Variants in CFAP61 observed in about 807,000 individuals in gnomAD.
The protein encoded by CFAP61 is cilia and flagella associated protein 61, also known as cilia- and flagella-associated protein 61.
CFAP61 carries 107 observed loss-of-function variants against 135.6 expected under a neutral mutation model. That is an observed-to-expected ratio of 0.79 (90% confidence interval 0.67 to 0.93). The LOEUF is 0.93. Among genes scored for constraint, CFAP61 ranks in the 40% least tolerant of loss-of-function variants. CFAP61 has a pLI of 0.00. For synonymous variants in CFAP61, 575 were observed against 578.5 expected (o/e 0.99, Z 0.09); for missense variants, 1,507 against 1,556.2 (o/e 0.97, Z 0.53).
At chr20:20,187,672 G>C (rs912526149) in intron 13 of CFAP61, among the ~76,000 whole-genome samples, 3 of 152,034 alleles carry the variant, frequency 2.0e-5, no homozygotes, top group African/African-American at 7.2e-5. Flanking sequence ...TAAATTAAAT[G>C]TATTTAAAGT....
intron 7 of CFAP61, among the ~76,000 whole-genome samples, chr20:20,091,934 G>A (rs962072677): frequency 1.3e-5 from 2 of 152,140 alleles, no homozygotes; most frequent in Non-Finnish European, 2.9e-5. Context: ...CGCCCGCCTT[G>A]GCCTCCCAAA....
At chr20:20,272,893 CATATAAA>C (rs1326740370) in intron 21 of CFAP61, among the ~76,000 whole-genome samples, 1 of 152,158 alleles carries the variant, frequency 6.6e-6, no homozygotes, top group African/African-American at 2.4e-5. Flanking sequence ...CTGCTACTTC[CATATAAA>C]ATATAAGAAA....
At chr20:20,322,762 G>C in intron 25 of CFAP61, 1 of 985,282 alleles carries the variant, frequency 1.0e-6, no homozygotes, top group Non-Finnish European at 1.2e-6. Context: ...GAGGGTCCTC[G>C]TGTTGCCTAG....
intron 9 of CFAP61, among the ~76,000 whole-genome samples, chr20:20,145,032 G>C (rs1363822248): frequency 6.6e-6 from 1 of 152,182 alleles, no homozygotes; most frequent in Non-Finnish European, 1.5e-5. Flanking sequence ...AAATGTTAAA[G>C]AAAGCCCTTT....
chr20:20,249,813 C>A (rs1050543081), intron 19 of CFAP61, among the ~76,000 whole-genome samples: 2 of 152,162 alleles, frequency 1.3e-5, no homozygotes, highest in Non-Finnish European at 2.9e-5. Context: ...AAAATGAATC[C>A]CTGTGCACTA....
At chr20:20,262,498 A>G (rs2052324509) in intron 20 of CFAP61, among the ~76,000 whole-genome samples, 1 of 152,184 alleles carries the variant, frequency 6.6e-6, no homozygotes, top group Admixed American at 6.5e-5. Flanking sequence ...ACATTTGAAT[A>G]CCCAGCATAT....
At chr20:20,330,528 G>A (rs2057944455) in intron 25 of CFAP61, among the ~76,000 whole-genome samples, 1 of 152,026 alleles carries the variant, frequency 6.6e-6, no homozygotes, top group African/African-American at 2.4e-5. Context: ...GTAGAGACAG[G>A]GTTTCACCAT....
At chr20:20,201,911 T>C (rs2056640117) in intron 17 of CFAP61, among the ~76,000 whole-genome samples, 1 of 152,186 alleles carries the variant, frequency 6.6e-6, no homozygotes, top group African/African-American at 2.4e-5. Flanking sequence ...AGTCCAGAGC[T>C]GCTGCGTGGA....
chr20:20,305,875 G>A (rs1348050100), intron 25 of CFAP61, among the ~76,000 whole-genome samples: 3 of 152,072 alleles, frequency 2.0e-5, no homozygotes, highest in Non-Finnish European at 4.4e-5. Context: ...ACTCCAACAG[G>A]CAGATCCTTA....
chr20:20,296,330 T>TCCTTCCTTGCTTCCCTCCTTCCTTC (rs1569260741), intron 24 of CFAP61, among the ~76,000 whole-genome samples: 3 of 39,598 alleles, frequency 7.6e-5, no homozygotes, highest in Non-Finnish European at 1.5e-4. Flanking sequence ...TTCCTTCCCT[T>TCCTTCCTTGCTTCCCTCCTTCCTTC]CCTTCCTTCC....
intron 8 of CFAP61, among the ~76,000 whole-genome samples, chr20:20,141,576 C>A (rs1031697001): frequency 1.3e-5 from 2 of 152,204 alleles, no homozygotes; most frequent in Non-Finnish European, 2.9e-5. Flanking sequence ...CTCATTGTGC[C>A]TTCAACATTA....
intron 25 of CFAP61, among the ~76,000 whole-genome samples, chr20:20,340,164 A>G (rs929186292): frequency 2.0e-5 from 3 of 152,218 alleles, no homozygotes; most frequent in African/African-American, 7.2e-5. Context: ...TCAAGTCGCA[A>G]ATCCATTCCC....
In CFAP61 at chr20:20,121,796, T is replaced by C. The variant is rs576580805; in HGVS notation, c.860-21061T>C. Among the ~76,000 whole-genome samples, 5 of 152,312 alleles carry C rather than the reference T, an allele frequency of 3.3e-5. No individual in the cohort carries two copies. The East Asian group carries it at 9.7e-4, about 30-fold the overall frequency. ...GGTACAAGCCACTGCACCTAGCTGA[T>C]AAGTACAGGCTTTCAACTGCCATTT... On this transcript the variant is annotated intron_variant, in intron 8 of 26. Transcript: ENST00000245957.
chr20:20,068,669 G>A (rs1023415365), intron 2 of CFAP61, among the ~76,000 whole-genome samples: 5 of 152,170 alleles, frequency 3.3e-5, no homozygotes, highest in African/African-American at 1.2e-4. Context: ...CCGTACATCC[G>A]GTGGTACCCA....
At chr20:20,064,633 ATTGT>A (rs2045099882) in intron 2 of CFAP61, among the ~76,000 whole-genome samples, 1 of 152,098 alleles carries the variant, frequency 6.6e-6, no homozygotes, top group Non-Finnish European at 1.5e-5. Flanking sequence ...AAATTTATAG[ATTGT>A]TTATTTCTGG....
chr20:20,286,112 T>A (rs1269011236), intron 22 of CFAP61, among the ~76,000 whole-genome samples: 1 of 152,142 alleles, frequency 6.6e-6, no homozygotes, highest in Non-Finnish European at 1.5e-5. Context: ...ACCCAAACTT[T>A]TAAATACTAA....
rs372541762 is a variant in CFAP61 at position 20,159,447 on chromosome 20, A to G, written c.1026+3A>G. ...GTGGAAATGTTAGTGAACCGGAGGT[A>G]GGGTTTGACGAGGGCCTTTGCGTGC... On this transcript the variant is annotated splice_donor_region_variant and intron_variant, in intron 10 of 26. Transcript: ENST00000245957. 4 of 1,613,500 alleles carry G rather than the reference A, an allele frequency of 2.5e-6. No individual in the cohort carries two copies. The highest frequency in any genetic ancestry group is 2.7e-5 in the African/African-American group (2 of 74,912).
intron 8 of CFAP61, among the ~76,000 whole-genome samples, chr20:20,142,502 A>G (rs1054106990): frequency 1.3e-5 from 2 of 152,220 alleles, no homozygotes; most frequent in Admixed American, 6.5e-5. Flanking sequence ...AGGGGCTGCT[A>G]TGAAAGGAAC....
At chr20:20,119,552 C>A (rs1391586384) in intron 8 of CFAP61, among the ~76,000 whole-genome samples, 1 of 152,078 alleles carries the variant, frequency 6.6e-6, no homozygotes, top group Non-Finnish European at 1.5e-5. Context: ...TTTCAAAAAC[C>A]AATTTTTCAT....
Sources: gnomAD v4.1 joint callset for allele counts (sites outside exome capture counted in the v4.1 genomes callset) on GRCh38, gnomAD v4.1.1 for gene constraint, MANE v1.5 for transcripts, NCBI Gene and HGNC (gene_info 2026-07-23, HGNC 2026-07-21) for gene names.